Variants in CALN1 observed in about 807,000 individuals in gnomAD.
The protein encoded by CALN1 is calneuron 1.
A neutral mutation model predicts 30.6 loss-of-function variants in CALN1; 17 were observed. The ratio of observed to expected loss-of-function variants is 0.56; its 90% confidence interval spans 0.38 to 0.83. CALN1 has a LOEUF of 0.83. CALN1 is among the 40% of genes least tolerant of loss of function. The pLI is 0.00. For synonymous variants in CALN1, 156 were observed against 131.4 expected (o/e 1.19, Z -1.28); for missense variants, 291 against 354.9 (o/e 0.82, Z 1.45).
intron 3 of CALN1, among the ~76,000 whole-genome samples, chr7:72,233,811 C>A (rs1432241377): frequency 2.0e-5 from 3 of 152,124 alleles, no homozygotes; most frequent in Admixed American, 1.3e-4. Flanking sequence ...CAAGACCAGC[C>A]TGGGCAACAC....
intron 6 of CALN1, among the ~76,000 whole-genome samples, chr7:71,793,899 A>G (rs1786729817): frequency 6.6e-6 from 1 of 152,134 alleles, no homozygotes; most frequent in African/African-American, 2.4e-5. Flanking sequence ...ACATACAAAA[A>G]AGATCTATCT....
rs997360524 is a variant in CALN1, at chr7:71,783,111, T to A, written c.*4664A>T. ...CTTCTGGGGCAGTTGAGCAATCAGG[T>A]GTGGAGGGAAGATGGCTATGGTAAG... is the stretch of plus-strand genomic sequence containing the variant. On this transcript the variant is annotated 3_prime_UTR_variant, in exon 7 of 7. Transcript: ENST00000395275. The A allele has an allele frequency of 1.3e-5, 2 of 152,090 alleles. No individual in the cohort carries two copies. The highest frequency in any genetic ancestry group is 2.1e-4 in the South Asian group (1 of 4,806). 9.4% of individuals were successfully genotyped at this position (152,090 alleles called of 1,614,324 possible).
chr7:72,169,495 T>TTA (rs1237447281), intron 3 of CALN1, among the ~76,000 whole-genome samples: 5 of 150,158 alleles, frequency 3.3e-5, no homozygotes, highest in Admixed American at 6.6e-5. Flanking sequence ...GATTATTTTT[T>TTA]TTTTTTTTTC....
At chr7:71,828,019 T>A (rs1226666004) in intron 5 of CALN1, among the ~76,000 whole-genome samples, 2 of 152,114 alleles carry the variant, frequency 1.3e-5, no homozygotes, top group Non-Finnish European at 2.9e-5. Flanking sequence ...TATGTATCAC[T>A]GGAGAACCAG....
At chr7:72,397,708 T>TCACACACACA (rs1562947071) in intron 2 of CALN1, among the ~76,000 whole-genome samples, 1 of 52,244 alleles carries the variant, frequency 1.9e-5, no homozygotes, top group African/African-American at 8.6e-5. Flanking sequence ...GAGCACCCAT[T>TCACACACACA]CTCTCTCACA....
chr7:71,834,868 G>C (rs1269715056), intron 5 of CALN1, among the ~76,000 whole-genome samples: 1 of 152,196 alleles, frequency 6.6e-6, no homozygotes, highest in Non-Finnish European at 1.5e-5. Flanking sequence ...GTCTTACTCT[G>C]TCACCCAGGC....
chr7:71,940,486 C>G (rs1047739763), intron 5 of CALN1, among the ~76,000 whole-genome samples: 3 of 152,194 alleles, frequency 2.0e-5, no homozygotes, highest in Admixed American at 6.5e-5. Context: ...TGTCAATGCA[C>G]TCTTCTCTCT....
At chr7:71,831,871 C>CAAAAAAAAAAAAAA (rs751078568) in intron 5 of CALN1, among the ~76,000 whole-genome samples, 2 of 20,880 alleles carry the variant, frequency 9.6e-5, no homozygotes, top group Non-Finnish European at 1.9e-4. Context: ...AACCCTGCCT[C>CAAAAAAAAAAAAAA]AAAAAAAAAA....
intron 2 of CALN1, among the ~76,000 whole-genome samples, chr7:72,389,051 T>C (rs1805411597): frequency 1.3e-5 from 2 of 152,308 alleles, no homozygotes; most frequent in African/African-American, 4.8e-5. Context: ...TCAGTTACCA[T>C]AAAGCTATTG....
At chr7:72,177,328 C>T (rs569385415) in intron 3 of CALN1, among the ~76,000 whole-genome samples, 8 of 152,200 alleles carry the variant, frequency 5.3e-5, no homozygotes, top group South Asian at 2.1e-4. Context: ...TAAGACATCC[C>T]GGGCTATGTC....
At chr7:72,329,682 G>A (rs925273124) in intron 2 of CALN1, among the ~76,000 whole-genome samples, 9 of 152,128 alleles carry the variant, frequency 5.9e-5, no homozygotes, top group African/African-American at 1.4e-4. Flanking sequence ...GGTTGGGCGC[G>A]GTGGCTCATG....
chr7:72,367,455 C>G (rs139842244), intron 2 of CALN1, among the ~76,000 whole-genome samples: 168 of 152,166 alleles, frequency 1.1e-3, no homozygotes, highest in African/African-American at 3.9e-3. Context: ...GAGCTCCTGT[C>G]TCTGCAAAAA....
intron 2 of CALN1, among the ~76,000 whole-genome samples, chr7:72,385,674 G>C (rs1336930190): frequency 6.6e-6 from 1 of 152,204 alleles, no homozygotes; most frequent in Admixed American, 6.5e-5. Context: ...ACTTGGTGGT[G>C]ATGACTGGAT....
chr7:72,359,101 C>T (rs1209369157), intron 2 of CALN1, among the ~76,000 whole-genome samples: 1 of 152,124 alleles, frequency 6.6e-6, no homozygotes, highest in African/African-American at 2.4e-5. Flanking sequence ...CGCTGTGCTT[C>T]GTAGGATACT....
At chr7:72,087,316 G>A (rs1254413607) in intron 4 of CALN1, among the ~76,000 whole-genome samples, 4 of 152,116 alleles carry the variant, frequency 2.6e-5, no homozygotes, top group Non-Finnish European at 5.9e-5. Context: ...GGTGGATCAC[G>A]AGGTCAGGGG....
intron 3 of CALN1, among the ~76,000 whole-genome samples, chr7:72,168,606 G>A (rs899846853): frequency 1.3e-5 from 2 of 152,080 alleles, no homozygotes; most frequent in South Asian, 2.1e-4. Flanking sequence ...TGGATTTATA[G>A]ACTGTAACTA....
intron 5 of CALN1, among the ~76,000 whole-genome samples, chr7:71,980,899 T>C (rs1429426154): frequency 6.6e-6 from 1 of 151,992 alleles, no homozygotes. Flanking sequence ...TGAAAGCAGG[T>C]GCTGAGAGCA....
At chr7:72,160,013 T>C (rs1221638106) in intron 3 of CALN1, among the ~76,000 whole-genome samples, 1 of 152,024 alleles carries the variant, frequency 6.6e-6, no homozygotes, top group Non-Finnish European at 1.5e-5. Context: ...ACTTCCAAAG[T>C]GAAGGCAGGT....
At chr7:72,307,821 A>C (rs932731284) in intron 2 of CALN1, among the ~76,000 whole-genome samples, 1 of 152,050 alleles carries the variant, frequency 6.6e-6, no homozygotes, top group African/African-American at 2.4e-5. Context: ...ACAATGACTG[A>C]AAGACGGCTG....
Sources: allele counts gnomAD v4.1 joint callset (sites outside exome capture counted in the v4.1 genomes callset), GRCh38; gene constraint gnomAD v4.1.1; transcripts MANE v1.5; gene names NCBI Gene and HGNC (gene_info 2026-07-23, HGNC 2026-07-21).